Variants in TMCC1 observed in about 807,000 individuals in gnomAD.
The protein encoded by TMCC1 is transmembrane and coiled-coil domains protein 1.
A neutral mutation model predicts 52.4 loss-of-function variants in TMCC1; 15 were observed. That is an observed-to-expected ratio of 0.29 (90% confidence interval 0.19 to 0.44). The LOEUF is 0.44. TMCC1 is among the 20% of genes least tolerant of loss of function. The probability of loss-of-function intolerance (pLI) is 1.00; values close to 1 mark genes in which losing one functional copy is unlikely to be tolerated. For missense variants in TMCC1, 503 were observed against 806.0 expected (o/e 0.62, Z 4.55); for synonymous variants, 279 against 301.9 (o/e 0.92, Z 0.79).
At chr3:129,810,524 G>T (rs550846493) in intron 4 of TMCC1, among the ~76,000 whole-genome samples, 1 of 152,104 alleles carries the variant, frequency 6.6e-6, no homozygotes, top group Admixed American at 6.6e-5. Context: ...AAAACAGCTT[G>T]CATTTTATCT....
At chr3:129,777,309 A>C (rs1225710007) in intron 4 of TMCC1, among the ~76,000 whole-genome samples, 1 of 152,232 alleles carries the variant, frequency 6.6e-6, no homozygotes, top group Non-Finnish European at 1.5e-5. Context: ...CAGTATAAAA[A>C]CACAAGCATA....
intron 4 of TMCC1, among the ~76,000 whole-genome samples, chr3:129,755,809 A>G (rs1033207468): frequency 2.6e-5 from 4 of 152,248 alleles, no homozygotes; most frequent in Non-Finnish European, 4.4e-5. Context: ...TTCAGTTTAT[A>G]AGAAACTGCC....
intron 5 of TMCC1, among the ~76,000 whole-genome samples, chr3:129,669,349 T>G (rs1023892777): frequency 1.3e-5 from 2 of 152,222 alleles, no homozygotes; most frequent in African/African-American, 4.8e-5. Context: ...TAACTTGACC[T>G]GTAGCTCCCA....
chr3:129,823,644 A>G (rs1262730099), intron 4 of TMCC1, among the ~76,000 whole-genome samples: 2 of 152,146 alleles, frequency 1.3e-5, no homozygotes, highest in African/African-American at 2.4e-5. Context: ...ACAAACAAAC[A>G]AACAAAAAAA....
At chr3:129,656,953 C>T (rs537966958) in intron 5 of TMCC1, among the ~76,000 whole-genome samples, 24 of 152,258 alleles carry the variant, frequency 1.6e-4, no homozygotes, top group African/African-American at 5.3e-4. Context: ...AATGTCTTTT[C>T]GTGACTGTCC....
At chr3:129,746,487 G>T (rs1393966057) in intron 4 of TMCC1, among the ~76,000 whole-genome samples, 1 of 151,878 alleles carries the variant, frequency 6.6e-6, no homozygotes, top group Non-Finnish European at 1.5e-5. Context: ...GCAGACTGAT[G>T]ACTACTGTGT....
chr3:129,706,889 G>C (rs1472477908), intron 4 of TMCC1, among the ~76,000 whole-genome samples: 1 of 152,018 alleles, frequency 6.6e-6, no homozygotes, highest in Non-Finnish European at 1.5e-5. Context: ...GCTCACTGCA[G>C]CCTCAAACTC....
At chr3:129,757,949 TTAGAAAA>T (rs1160169667) in intron 4 of TMCC1, among the ~76,000 whole-genome samples, 8 of 152,028 alleles carry the variant, frequency 5.3e-5, no homozygotes, top group African/African-American at 1.9e-4. Context: ...GTATGTGAAC[TTAGAAAA>T]TGGAAAAAAA....
intron 4 of TMCC1, among the ~76,000 whole-genome samples, chr3:129,742,161 AT>A (rs1408472798): frequency 6.6e-6 from 1 of 152,086 alleles, no homozygotes; most frequent in African/African-American, 2.4e-5. Context: ...CTGGTCCTTG[AT>A]TTAGGATAGG....
chr3:129,701,332 GT>G (rs1460765382), intron 4 of TMCC1, among the ~76,000 whole-genome samples: 1 of 152,216 alleles, frequency 6.6e-6, no homozygotes, highest in Non-Finnish European at 1.5e-5. Context: ...AGTCTCTTCT[GT>G]TCTCTCTCAC....
chr3:129,655,211 A>G (rs527609595), intron 5 of TMCC1, 108 bp from the exon 6 acceptor site: 33 of 1,369,114 alleles, frequency 2.4e-5, no homozygotes, highest in Non-Finnish European at 3.0e-5. Context: ...TAGAAGCACA[A>G]AGAAATTGAG....
chr3:129,660,543 G>A (rs2086955887), intron 5 of TMCC1, among the ~76,000 whole-genome samples: 1 of 152,040 alleles, frequency 6.6e-6, no homozygotes, highest in Admixed American at 6.5e-5. Flanking sequence ...TTTTTCCTAT[G>A]ACATCACAGA....
intron 2 of TMCC1, among the ~76,000 whole-genome samples, chr3:129,854,868 C>CA (rs1341522493): frequency 1.3e-5 from 2 of 152,212 alleles, no homozygotes; most frequent in African/African-American, 4.8e-5. Flanking sequence ...CTGTCTTCTC[C>CA]ACCAGACCCT....
intron 5 of TMCC1, among the ~76,000 whole-genome samples, chr3:129,666,389 A>C (rs987528151): frequency 2.6e-5 from 4 of 152,188 alleles, no homozygotes; most frequent in African/African-American, 9.7e-5. Flanking sequence ...TACTTTGTAA[A>C]AGAAGGCAGA....
intron 4 of TMCC1, among the ~76,000 whole-genome samples, chr3:129,757,921 CAA>C (rs766282761): frequency 2.6e-5 from 4 of 151,858 alleles, no homozygotes; most frequent in Non-Finnish European, 4.4e-5. Flanking sequence ...CTGGACATCA[CAA>C]AGAGTAAACT....
intron 4 of TMCC1, among the ~76,000 whole-genome samples, chr3:129,719,885 G>A (rs2049423389): frequency 6.6e-6 from 1 of 151,980 alleles, no homozygotes; most frequent in Non-Finnish European, 1.5e-5. Flanking sequence ...CTCCTGTCAA[G>A]AGGTGGCTTC....
intron 2 of TMCC1, among the ~76,000 whole-genome samples, chr3:129,875,511 A>AC (rs2061157511): frequency 6.6e-6 from 1 of 150,558 alleles, no homozygotes. Flanking sequence ...AAAAAAAAAA[A>AC]AAAAACAACA....
chr3:129,828,130 C>T lies in TMCC1; in HGVS notation c.249G>A (p.Leu83=). ...TCTCAGCACATGCGTTCTGGCTTTCCAGATCCATTTCAGGTTCTGGATCTG... is the reference window on the plus strand; with the variant it reads ...TCTCAGCACATGCGTTCTGGCTTTCTAGATCCATTTCAGGTTCTGGATCTG... ...IQADPEPEMD[L]ESQNACAEID... is the part of the protein sequence containing the mutation. Residue 83 remains leucine, a synonymous_variant, in exon 4 of 7, where the codon CTG becomes CTA. Coordinates refer to ENST00000393238, the MANE Select transcript of TMCC1 (RefSeq NM_001017395.5). This position sits in a 1 kb window ranked among gnomAD's most constrained non-coding sequence, Gnocchi z 4.1. 6.2e-7 allele frequency: 1 copy of T among 1,614,164 alleles called. No homozygotes were observed.
intron 4 of TMCC1, among the ~76,000 whole-genome samples, chr3:129,782,623 A>G (rs1031783510): frequency 1.3e-5 from 2 of 152,162 alleles, no homozygotes; most frequent in African/African-American, 4.8e-5. Flanking sequence ...ATCTTTCTCA[A>G]TGCTTACTCC....
Sources: allele counts gnomAD v4.1 joint callset (sites outside exome capture counted in the v4.1 genomes callset), GRCh38; gene constraint gnomAD v4.1.1; non-coding constraint Gnocchi (gnomAD v3.1); transcripts MANE v1.5; gene names NCBI Gene and HGNC (gene_info 2026-07-23, HGNC 2026-07-21).